The following WDFY4 variants were observed in gnomAD, a reference collection of about 807,000 sequenced individuals.
The protein encoded by WDFY4 is WDFY family member 4, also known as WD repeat- and FYVE domain-containing protein 4.
Under a neutral mutation model 351.9 loss-of-function variants are expected in WDFY4, and 169 were observed. That is an observed-to-expected ratio of 0.48 (90% CI 0.42 to 0.55). The LOEUF is 0.55. Ranked by LOEUF, WDFY4 falls within the 20% of genes least tolerant of loss-of-function variation. The pLI is 0.00. For missense variants in WDFY4, 3,803 were observed against 3,935.6 expected (o/e 0.97, Z 0.90); for synonymous variants, 1,622 against 1,574.6 (o/e 1.03, Z -0.71).
At chr10:48,924,896 A>G (rs571753827) in intron 47 of WDFY4, among the ~76,000 whole-genome samples, 104 of 152,346 alleles carry the variant, frequency 6.8e-4, no homozygotes, top group Non-Finnish European at 2.1e-4. Context: ...CTTTGTTTCT[A>G]TATTTCTGAC....
intron 11 of WDFY4, among the ~76,000 whole-genome samples, chr10:48,742,457 G>A (rs1479233649): frequency 6.6e-6 from 1 of 152,216 alleles, no homozygotes; most frequent in Non-Finnish European, 1.5e-5. Context: ...ATTTCACTGT[G>A]TGTCTCCTGT....
At chr10:48,925,684 C>G (rs1821212495) in intron 47 of WDFY4, among the ~76,000 whole-genome samples, 1 of 152,144 alleles carries the variant, frequency 6.6e-6, no homozygotes, top group Non-Finnish European at 1.5e-5. Context: ...GTAGCTCCAC[C>G]ACACTCTGAG....
rs77802534 is a variant in WDFY4, at chr10:48,946,834, C to G, written c.7868-26C>G. ...CGTGTGAGTGCAGGTAAGGAAGCAG[C>G]CCTCAAGCATGTGTTTTTGTTGCAG... On this transcript the variant is annotated intron_variant, in intron 50 of 61. Transcript: ENST00000325239. 14,499 of 1,524,706 alleles carry G rather than the reference C, an allele frequency of 9.5e-3. 825 individuals are homozygous for G. In the African/African-American group the frequency reaches 0.14, roughly 15 times the overall value. The allele number at this position is 1,524,706 out of a possible 1,614,324, so 94.4% of individuals were successfully genotyped here.
intron 4 of WDFY4, among the ~76,000 whole-genome samples, chr10:48,722,321 G>A (rs1198982861): frequency 6.6e-6 from 1 of 152,206 alleles, no homozygotes; most frequent in Non-Finnish European, 1.5e-5. Context: ...ACTCTCTGCA[G>A]TCTAAGTGGT....
intron 54 of WDFY4, among the ~76,000 whole-genome samples, chr10:48,964,612 T>C (rs1422005575): frequency 6.6e-6 from 1 of 152,220 alleles, no homozygotes; most frequent in Non-Finnish European, 1.5e-5. Context: ...CACCATGTTG[T>C]CACCAGTGTG....
intron 47 of WDFY4, among the ~76,000 whole-genome samples, chr10:48,905,720 G>A (rs181881885): frequency 2.6e-5 from 4 of 152,320 alleles, no homozygotes; most frequent in South Asian, 4.1e-4. Flanking sequence ...GCTGACCCTC[G>A]GCTCTGAGGC....
Position 48,727,676 on chromosome 10 carries a change from G to C in WDFY4, c.971+17G>C. The C allele has an allele frequency of 3.9e-6, 6 of 1,551,276 alleles. No homozygotes were observed. Among genetic ancestry groups the C allele is most frequent in the African/African-American group, 1.4e-5 (1 of 73,176 alleles). On this transcript the variant is annotated intron_variant, in intron 7 of 61. Coordinates refer to ENST00000325239, the MANE Select transcript of WDFY4 (RefSeq NM_001394531.1). Reference sequence around the variant, plus strand: ...GTTACTTCGGTAAGTGGCTGTGTTTGGTACGGGGAGAGCACAGGACCACCA... The same window carrying C: ...GTTACTTCGGTAAGTGGCTGTGTTTCGTACGGGGAGAGCACAGGACCACCA...
intron 39 of WDFY4, among the ~76,000 whole-genome samples, chr10:48,841,459 CTTTAAAGGTA>C (rs2068604251): frequency 1.3e-5 from 2 of 152,026 alleles, no homozygotes; most frequent in Admixed American, 6.5e-5. Context: ...TGAGCTTTCC[CTTTAAAGGTA>C]TTTTAGGGCA....
At chr10:48,797,043 T>C (rs950545670) in intron 24 of WDFY4, among the ~76,000 whole-genome samples, 2 of 152,298 alleles carry the variant, frequency 1.3e-5, no homozygotes, top group East Asian at 3.9e-4. Context: ...GACTGGGACA[T>C]AGCCAATGTA....
At chr10:48,915,638 A>G (rs1838452069) in intron 47 of WDFY4, among the ~76,000 whole-genome samples, 1 of 152,128 alleles carries the variant, frequency 6.6e-6, no homozygotes. Flanking sequence ...TTCCTCACCC[A>G]GTGTCAAAGG....
At chr10:48,929,686 C>T (rs1183679953) in intron 47 of WDFY4, among the ~76,000 whole-genome samples, 2 of 152,236 alleles carry the variant, frequency 1.3e-5, no homozygotes, top group Admixed American at 6.5e-5. Flanking sequence ...TCTGGACTCA[C>T]TTAGCCTACT....
rs1454869982 is a variant in WDFY4, at chr10:48,747,127, A to G, written c.2459+3579A>G. On this transcript the variant is annotated intron_variant, in intron 12 of 61. Transcript: ENST00000325239. ...CTTTATTTTCTCCCTAATTGCAGAA[A>G]TATAGTTTTGCTGGGTAAACATTTA... Among the ~76,000 whole-genome samples the G allele has an allele frequency of 2.0e-5, 3 of 152,214 alleles. No individual in the cohort carries two copies. In the East Asian group the frequency reaches 5.8e-4, roughly 29 times the overall value.
chr10:48,874,019 G>A (rs566099015), intron 41 of WDFY4, among the ~76,000 whole-genome samples: 1 of 152,338 alleles, frequency 6.6e-6, no homozygotes, highest in African/African-American at 2.4e-5. Context: ...GAATCATCTG[G>A]ATGCAAGTGC....
intron 49 of WDFY4, 28 bp downstream of exon 49, chr10:48,943,477 T>G (rs1352571813): frequency 6.5e-7 from 1 of 1,546,832 alleles, no homozygotes; most frequent in Non-Finnish European, 8.7e-7. Context: ...AAACCACAGC[T>G]GCCCTCAGGT....
chr10:48,761,311 G>A (rs2132524474), intron 13 of WDFY4, among the ~76,000 whole-genome samples: 1 of 152,316 alleles, frequency 6.6e-6, no homozygotes, highest in Admixed American at 6.5e-5. Context: ...TCTCACGTGA[G>A]TGGAGGGTGA....
intron 47 of WDFY4, chr10:48,913,583 G>A (rs1838213584): frequency 1.2e-6 from 2 of 1,613,956 alleles, no homozygotes; most frequent in Non-Finnish European, 1.7e-6. Context: ...GCCTCCTGAT[G>A]GAGTCTATGA....
Position 48,725,975 on chromosome 10 carries a change from G to C in WDFY4, c.686G>C (p.Arg229Pro), listed in dbSNP as rs34731704. The C allele has an allele frequency of 5.8e-6, 9 of 1,551,718 alleles. No individual in the cohort carries two copies. The highest frequency in any genetic ancestry group is 7.8e-6 in the Non-Finnish European group (9 of 1,146,998). Residue 229 changes from arginine (R) to proline (P), a missense_variant, in exon 6 of 62, where the codon CGG (arginine) becomes CCG (proline). By Grantham distance (103) the Arg-to-Pro change is moderately radical (BLOSUM62 -2). This residue lies in a region of WDFY4 where 488 missense variants were observed against 456.8 expected (regional missense o/e 1.07). Transcript: ENST00000325239. ...CTGCTGATTGCCACGACCTGCCTTC[G>C]GGAGCACAGCTGCTGCTTCTGGAAG... ...QSLLIATTCLREHSCCFWKEP... is the reference protein window; with the variant it reads ...QSLLIATTCLPEHSCCFWKEP...
intron 19 of WDFY4, among the ~76,000 whole-genome samples, chr10:48,782,834 C>T (rs541901128): frequency 8.5e-5 from 13 of 152,120 alleles, no homozygotes; most frequent in East Asian, 5.8e-4. Flanking sequence ...GATTTGGGAA[C>T]GATATGAGAC....
At chr10:48,804,721 GT>G in intron 25 of WDFY4, 1 of 985,138 alleles carries the variant, frequency 1.0e-6, no homozygotes, top group Non-Finnish European at 1.2e-6. Context: ...CCTGGGAGCT[GT>G]TTTCTTTGGG....
Sources: allele counts gnomAD v4.1 joint callset (sites outside exome capture counted in the v4.1 genomes callset), GRCh38; gene constraint gnomAD v4.1.1; regional missense constraint gnomAD v4.1.1; transcripts MANE v1.5; gene names NCBI Gene and HGNC (gene_info 2026-07-23, HGNC 2026-07-21).